TMEM161B: variants seen among roughly 807,000 people sequenced by gnomAD.
The protein encoded by TMEM161B is transmembrane protein 161B.
Under a neutral mutation model 61.8 loss-of-function variants are expected in TMEM161B, and 34 were observed. The observed-to-expected ratio is 0.55, with a 90% CI of 0.42 to 0.73. TMEM161B has a LOEUF of 0.73. Ranked by LOEUF, TMEM161B falls within the 30% of genes least tolerant of loss-of-function variation. The pLI, the probability that TMEM161B is intolerant of heterozygous loss-of-function variation, is 0.00. For missense variants in TMEM161B, 456 were observed against 558.5 expected, an observed-to-expected ratio of 0.82 and a Z score of 1.85; for synonymous variants, 167 against 192.8, an observed-to-expected ratio of 0.87 and a Z score of 1.11.
chr5:88,191,735 A>C (rs549061865), downstream of TMEM161B, among the ~76,000 whole-genome samples: 1 of 151,688 alleles, frequency 6.6e-6, no homozygotes, highest in Non-Finnish European at 1.5e-5. Flanking sequence ...AGGCAGGTGG[A>C]TCACGAGGTC....
intron 2 of TMEM161B, among the ~76,000 whole-genome samples, chr5:88,236,550 A>T (rs1430137853): frequency 6.6e-6 from 1 of 152,216 alleles, no homozygotes; most frequent in African/African-American, 2.4e-5. Flanking sequence ...TCTTTAACTG[A>T]TATGACCAAC....
At chr5:88,262,754 A>C (rs1227957819) in intron 1 of TMEM161B, among the ~76,000 whole-genome samples, 1 of 152,116 alleles carries the variant, frequency 6.6e-6, no homozygotes, top group Non-Finnish European at 1.5e-5. Context: ...ATGGTGTGTC[A>C]ATGTAGATTC....
At chr5:88,209,768 A>G (rs1388720962) in intron 5 of TMEM161B, among the ~76,000 whole-genome samples, 1 of 152,194 alleles carries the variant, frequency 6.6e-6, no homozygotes, top group Non-Finnish European at 1.5e-5. Context: ...CTTTCATTCA[A>G]TAGTCCCCAA....
chr5:88,222,700 GTTC>G (rs1272784679), intron 4 of TMEM161B, among the ~76,000 whole-genome samples: 5 of 152,066 alleles, frequency 3.3e-5, no homozygotes, highest in African/African-American at 1.2e-4. Context: ...TCTTTAAGAG[GTTC>G]TTATAATAGA....
At chr5:88,200,850 T>C (rs572845330) in intron 9 of TMEM161B, 2 of 152,176 alleles carry the variant, frequency 1.3e-5, no homozygotes, top group East Asian at 3.9e-4. Flanking sequence ...TTCAATGCTT[T>C]ATCAGAACAC....
intron 1 of TMEM161B, among the ~76,000 whole-genome samples, chr5:88,248,675 A>G (rs921388591): frequency 1.3e-5 from 2 of 150,392 alleles, no homozygotes; most frequent in African/African-American, 4.9e-5. Context: ...TAGTAAGAGG[A>G]CAGACAGAAG....
chr5:88,209,936 C>G (rs1410934814), intron 5 of TMEM161B, among the ~76,000 whole-genome samples: 2 of 152,168 alleles, frequency 1.3e-5, no homozygotes, highest in Admixed American at 6.5e-5. Flanking sequence ...CATTACCTTC[C>G]CAGCTGAGGC....
At chr5:88,196,605 T>A (rs2112322351) in intron 11 of TMEM161B, 117 bp from the exon 12 acceptor site, 2 of 1,040,302 alleles carry the variant, frequency 1.9e-6, no homozygotes, top group East Asian at 5.5e-5. Context: ...CAGTACATCA[T>A]TTTATGTTAA....
chr5:88,252,927 T>C (rs952226849), intron 1 of TMEM161B, among the ~76,000 whole-genome samples: 2 of 152,188 alleles, frequency 1.3e-5, no homozygotes, highest in Non-Finnish European at 2.9e-5. Flanking sequence ...ACTGTCTTAA[T>C]GATATACTGG....
chr5:88,250,793 C>T (rs10064074), intron 1 of TMEM161B: 131 of 152,344 alleles, frequency 8.6e-4, no homozygotes, highest in African/African-American at 3.0e-3. Flanking sequence ...CCCGAGCTCA[C>T]TCCCAGTTCC....
chr5:88,219,243 GATGAA>G (rs1748481802), intron 5 of TMEM161B, among the ~76,000 whole-genome samples: 2 of 152,184 alleles, frequency 1.3e-5, no homozygotes, highest in African/African-American at 2.4e-5. Flanking sequence ...ATATGTGGAA[GATGAA>G]ATGAATAGAA....
chr5:88,241,756 C>T (rs531270415), intron 1 of TMEM161B, among the ~76,000 whole-genome samples: 65 of 151,714 alleles, frequency 4.3e-4, no homozygotes, highest in Non-Finnish European at 7.5e-4. Flanking sequence ...ATGGCTAATT[C>T]AAACCTTCTT....
chr5:88,190,073 T>C, downstream of TMEM161B: 1 of 700,636 alleles, frequency 1.4e-6, no homozygotes, highest in Non-Finnish European at 2.6e-6. Context: ...CATGGGTTAT[T>C]TCACAAGCTT....
chr5:88,225,944 G>T, intron 3 of TMEM161B, 78 bp from the exon 4 acceptor site: 1 of 891,496 alleles, frequency 1.1e-6, no homozygotes, highest in South Asian at 1.8e-5. Context: ...ACTAATTACA[G>T]ATGAAGTTTT....
At chr5:88,233,698 C>T (rs999664726) in intron 2 of TMEM161B, among the ~76,000 whole-genome samples, 20 of 151,976 alleles carry the variant, frequency 1.3e-4, no homozygotes, top group African/African-American at 4.8e-4. Context: ...CAAAAGTAAG[C>T]AATAAAGGAT....
chr5:88,262,463 A>G (rs1420948798), intron 1 of TMEM161B, among the ~76,000 whole-genome samples: 1 of 152,136 alleles, frequency 6.6e-6, no homozygotes, highest in Non-Finnish European at 1.5e-5. Context: ...AGTTTATATC[A>G]CCTTTGTTCA....
intron 1 of TMEM161B, among the ~76,000 whole-genome samples, chr5:88,255,330 G>A (rs945532290): frequency 1.3e-5 from 2 of 152,126 alleles, no homozygotes; most frequent in African/African-American, 4.8e-5. Flanking sequence ...CACTACTGTG[G>A]CCTTCACTGG....
In TMEM161B at chr5:88,220,643, TTC is replaced by T. The variant is rs1342753479; in HGVS notation, c.364_365del (p.Glu122SerfsTer39). ...TAGGCTTCATAAAATTGTAGTAGAC[TTC>T]AGTTACTAGATACACAACTGTAGCA... ...VAATVVYLVT[E>X]VYYNFMKPTQ... On this transcript the variant is annotated frameshift_variant, in exon 5 of 12. Coordinates refer to ENST00000296595, the MANE Select transcript of TMEM161B (RefSeq NM_153354.5). LOFTEE classifies it high-confidence loss of function. The T allele has an allele frequency of 6.2e-7, 1 of 1,603,864 alleles. No individual in the cohort carries two copies. The highest frequency in any genetic ancestry group is 8.5e-7 in the Non-Finnish European group (1 of 1,177,306).
intron 1 of TMEM161B, among the ~76,000 whole-genome samples, chr5:88,258,928 T>A (rs933423337): frequency 2.0e-5 from 3 of 152,204 alleles, no homozygotes; most frequent in Non-Finnish European, 2.9e-5. Context: ...AAGATAAAAG[T>A]ATTAATCTTA....
Sources: gnomAD v4.1 joint callset for allele counts (sites outside exome capture counted in the v4.1 genomes callset) on GRCh38, gnomAD v4.1.1 for gene constraint, MANE v1.5 for transcripts, NCBI Gene and HGNC (gene_info 2026-07-23, HGNC 2026-07-21) for gene names.